The following ALB variants were observed in gnomAD, a reference collection of about 807,000 sequenced individuals.
The protein encoded by ALB is serum albumin.
ALB carries 37 observed loss-of-function variants against 74.5 expected under a neutral mutation model. That is an observed-to-expected ratio of 0.50 (90% CI 0.38 to 0.65). The LOEUF (loss-of-function observed/expected upper bound fraction) is 0.65. ALB is among the 30% of genes least tolerant of loss of function. The pLI is 0.00. For missense variants in ALB, 685 were observed against 718.7 expected (o/e 0.95, Z 0.54); for synonymous variants, 249 against 251.6 (o/e 0.99, Z 0.10).
rs1719059315 is a variant in ALB, at chr4:73,418,070, C to T, written c.1429-18C>T. The T allele has an allele frequency of 6.2e-6, 10 of 1,611,948 alleles. No homozygotes were observed. Among genetic ancestry groups the T allele is most frequent in the African/African-American group, 5.3e-5 (4 of 74,868 alleles). On this transcript the variant is annotated intron_variant, in intron 11 of 14. Coordinates refer to ENST00000295897, the MANE Select transcript of ALB (RefSeq NM_000477.7). The stretch of plus-strand genomic sequence containing the variant: ...GCTTCACCTCTTTTGAATTTCTGCT[C>T]TCCTGCCTGTTCTTTAGCTATCCGT...
rs748050743 is a variant in ALB at position 73,404,419 on chromosome 4, T to C, written c.79+13T>C. The C allele has an allele frequency of 1.3e-6, 2 of 1,597,084 alleles. No individual in the cohort carries two copies. Among genetic ancestry groups the C allele is most frequent in the African/African-American group, 1.3e-5 (1 of 74,500 alleles). On this transcript the variant is annotated intron_variant, in intron 1 of 14. Transcript: ENST00000295897. Reference sequence around the variant, plus strand: ...CGTCGAGATGCACGTAAGAAATCCATTTTTCTATTGTTCAACTTTTATTCT... The same window carrying C: ...CGTCGAGATGCACGTAAGAAATCCACTTTTCTATTGTTCAACTTTTATTCT...
At chr4:73,416,927 A>G (rs1389105236) in intron 10 of ALB, among the ~76,000 whole-genome samples, 1 of 152,188 alleles carries the variant, frequency 6.6e-6, no homozygotes, top group African/African-American at 2.4e-5. Context: ...AAGAAGAGAC[A>G]TATTATACAG....
chr4:73,404,435 C>G (rs1192737940), intron 1 of ALB, 29 bp downstream of exon 1: 1 of 1,554,334 alleles, frequency 6.4e-7, no homozygotes. Context: ...TATTGTTCAA[C>G]TTTTATTCTA....
intron 14 of ALB, 62 bp downstream of exon 14, chr4:73,420,383 A>G: frequency 1.7e-6 from 2 of 1,167,198 alleles, no homozygotes; most frequent in Non-Finnish European, 2.5e-6. Flanking sequence ...AATAGCAAAG[A>G]TTGACCATTT....
In ALB at chr4:73,420,152, G is replaced by A. The variant is rs1054064481; in HGVS notation, c.1786-102G>A. The A allele has an allele frequency of 1.2e-4, 123 of 1,028,914 alleles. No homozygotes were observed. In the Middle Eastern group the frequency reaches 1.2e-3, roughly 10 times the overall value. 63.7% of individuals were successfully genotyped at this position (1,028,914 alleles called of 1,614,324 possible). On this transcript the variant is annotated intron_variant, in intron 13 of 14. Coordinates refer to ENST00000295897, the MANE Select transcript of ALB (RefSeq NM_000477.7). ...ATTGTAATTAAAGGATATGATGCAC[G>A]TGAAATCACTTTGCAATCATCAATA...
intron 10 of ALB, 118 bp downstream of exon 10, chr4:73,416,471 C>T (rs751586018): frequency 1.5e-4 from 113 of 774,694 alleles, no homozygotes; most frequent in Non-Finnish European, 2.4e-4. Context: ...TTTCTAATCA[C>T]TCTTTGTCAA....
At chr4:73,405,449 A>G (rs752709843) in intron 2 of ALB, among the ~76,000 whole-genome samples, 14 of 152,178 alleles carry the variant, frequency 9.2e-5, no homozygotes, top group Non-Finnish European at 1.8e-4. Flanking sequence ...ATATAGTCAC[A>G]TGTGGCTAAT....
chr4:73,408,616 T>C lies in ALB; in HGVS notation c.293T>C (p.Leu98Ser). The change falls in exon 4 of 15, where the codon TTA becomes TCA. Residue 98 changes from leucine to serine, a missense_variant. Leu to Ser is a moderately radical substitution (Grantham distance 145). Coordinates refer to ENST00000295897, the MANE Select transcript of ALB (RefSeq NM_000477.7). ...TAGCATACCCTTTTTGGAGACAAAT[T>C]ATGCACAGTTGCAACTCTTCGTGAA... The part of the protein sequence containing the change: ...KSLHTLFGDK[L>S]CTVATLRETY... 6.2e-7 allele frequency: 1 copy of C among 1,613,984 alleles called. No individual in the cohort carries two copies. Among genetic ancestry groups the C allele is most frequent in the Non-Finnish European group, 8.5e-7 (1 of 1,179,906 alleles).
Position 73,412,099 on chromosome 4 carries a change from G to A in ALB, c.817G>A (p.Asp273Asn). 4 of 1,614,152 alleles carry A rather than the reference G, an allele frequency of 2.5e-6. No individual in the cohort carries two copies. Among genetic ancestry groups the A allele is most frequent in the Non-Finnish European group, 3.4e-6 (4 of 1,180,002 alleles). Residue 273 changes from aspartate to asparagine, a missense_variant, in exon 7 of 15, where the codon GAT becomes AAT. Physicochemically the swap from Asp to Asn is conservative, Grantham distance 23. Transcript: ENST00000295897. ...TKVHTECCHGDLLECADDRAD... is the reference protein window; with the variant it reads ...TKVHTECCHGNLLECADDRAD... Reference sequence around the variant, plus strand: ...AGTCCACACGGAATGCTGCCATGGAGATCTGCTTGAATGTGCTGATGACAG... The same window carrying A: ...AGTCCACACGGAATGCTGCCATGGAAATCTGCTTGAATGTGCTGATGACAG...
At chr4:73,413,696 G>A (rs544287648) in intron 8 of ALB, 62 bp downstream of exon 8, 2 of 1,514,854 alleles carry the variant, frequency 1.3e-6, no homozygotes, top group South Asian at 1.1e-5. Context: ...TAGGAGGATA[G>A]CCTAGGCTTT....
intron 3 of ALB, among the ~76,000 whole-genome samples, chr4:73,407,587 A>C (rs550122796): frequency 1.3e-5 from 2 of 152,186 alleles, no homozygotes; most frequent in Admixed American, 6.5e-5. Flanking sequence ...GAGAGCTACT[A>C]TCTCTTAGAG....
rs994721455 is a variant in ALB at position 73,418,434 on chromosome 4, C to T, written c.1652+123C>T. ...TTAGAGGAAAGTATTGGAGTGTTGC[C>T]CTTATTATGCTGATAAGAGTACCCA... On this transcript the variant is annotated intron_variant, in intron 12 of 14. Coordinates refer to ENST00000295897, the MANE Select transcript of ALB (RefSeq NM_000477.7). The T allele has an allele frequency of 4.7e-6, 4 of 852,450 alleles. No homozygotes were observed. The Admixed American group carries it at 8.1e-5, about 17-fold the overall frequency. The allele number at this position is 852,450 out of a possible 1,614,324, so 52.8% of individuals were successfully genotyped here.
intron 11 of ALB, 59 bp from the exon 12 acceptor site, chr4:73,418,029 T>C (rs1445618835): frequency 2.6e-5 from 40 of 1,541,938 alleles, no homozygotes; most frequent in Non-Finnish European, 2.4e-5. Context: ...TTTGTATTTT[T>C]AGTAGAAAAT....
intron 1 of ALB, among the ~76,000 whole-genome samples, chr4:73,404,615 T>C (rs558868140): frequency 1.4e-4 from 21 of 151,176 alleles, no homozygotes; most frequent in Admixed American, 4.6e-4. Context: ...AATTGTTTAG[T>C]GACTGTAATT....
At chr4:73,412,653 CA>C (rs1437819661) in intron 7 of ALB, among the ~76,000 whole-genome samples, 1 of 152,128 alleles carries the variant, frequency 6.6e-6, no homozygotes, top group African/African-American at 2.4e-5. Context: ...CCATATTGTC[CA>C]GACTGGTCTC....
chr4:73,414,330 G>A (rs1718960934), intron 8 of ALB, among the ~76,000 whole-genome samples: 2 of 152,172 alleles, frequency 1.3e-5, no homozygotes, highest in African/African-American at 4.8e-5. Flanking sequence ...GAATCCTTTT[G>A]AGATGTAGTT....
At chr4:73,419,069 G>A (rs1249948552) in intron 12 of ALB, among the ~76,000 whole-genome samples, 2 of 151,966 alleles carry the variant, frequency 1.3e-5, no homozygotes, top group Non-Finnish European at 2.9e-5. Context: ...CTTTATAGAT[G>A]AGAAAAATTT....
In ALB at chr4:73,408,455, C is replaced by G. The variant is rs543337420; in HGVS notation, c.271-139C>G. On this transcript the variant is annotated intron_variant, in intron 3 of 14. Coordinates refer to ENST00000295897, the MANE Select transcript of ALB (RefSeq NM_000477.7). ...TGGTTAAATCATCAGAAACTGTAAA[C>G]CTCGATTGGGAGGGGAAGCGGATTT... 4 of 729,238 alleles carry G rather than the reference C, an allele frequency of 5.5e-6. No individual in the cohort carries two copies. In the South Asian group the frequency reaches 6.7e-5, roughly 12 times the overall value. 45.2% of individuals were successfully genotyped at this position (729,238 alleles called of 1,614,324 possible).
intron 3 of ALB, among the ~76,000 whole-genome samples, chr4:73,407,561 G>A (rs1000932485): frequency 6.6e-6 from 1 of 152,142 alleles, no homozygotes; most frequent in Non-Finnish European, 1.5e-5. Context: ...CATGAATAGT[G>A]TTGCAATGAA....
Sources: allele counts gnomAD v4.1 joint callset (sites outside exome capture counted in the v4.1 genomes callset), GRCh38; gene constraint gnomAD v4.1.1; transcripts MANE v1.5; gene names NCBI Gene and HGNC (gene_info 2026-07-23, HGNC 2026-07-21).